The following KLHL7 variants were observed in gnomAD, a reference collection of about 807,000 sequenced individuals.
KLHL7 encodes kelch-like protein 7.
In KLHL7, 44 loss-of-function variants were observed where a neutral mutation model predicts 67.4. The ratio of observed to expected loss-of-function variants is 0.65; its 90% CI spans 0.51 to 0.84. The LOEUF is 0.84. KLHL7 is among the 40% of genes least tolerant of loss of function. The pLI is 0.00. For synonymous variants in KLHL7, 252 were observed against 243.3 expected (o/e 1.04, Z -0.33); for missense variants, 362 against 718.1 (o/e 0.50, Z 5.67).
chr7:23,108,431 G>T (rs1358868292), intron 1 of KLHL7, among the ~76,000 whole-genome samples: 2 of 152,126 alleles, frequency 1.3e-5, no homozygotes, highest in Non-Finnish European at 2.9e-5. Context: ...CTCCAGTGAA[G>T]TATGGGATAC....
chr7:23,125,241 A>T, intron 4 of KLHL7, 69 bp downstream of exon 4: 1 of 1,525,114 alleles, frequency 6.6e-7, no homozygotes, highest in Non-Finnish European at 9.0e-7. Flanking sequence ...TAATTTTTTA[A>T]AAAGGCTGAT....
intron 1 of KLHL7, among the ~76,000 whole-genome samples, chr7:23,114,045 C>CTTTT (rs1259362483): frequency 4.6e-5 from 7 of 152,208 alleles, no homozygotes; most frequent in African/African-American, 1.7e-4. Context: ...CACTTCCTCA[C>CTTTT]TTTGTCAAAT....
chr7:23,142,847 T>C (rs985235523), intron 5 of KLHL7, among the ~76,000 whole-genome samples: 3 of 152,184 alleles, frequency 2.0e-5, no homozygotes, highest in African/African-American at 7.2e-5. Context: ...GTGTTCTTTA[T>C]AGTATTGTGG....
intron 4 of KLHL7, among the ~76,000 whole-genome samples, chr7:23,130,787 A>G (rs1783770690): frequency 6.6e-6 from 1 of 152,212 alleles, no homozygotes; most frequent in African/African-American, 2.4e-5. Flanking sequence ...GTACCAAGAA[A>G]AAGAAAGAAA....
chr7:23,121,051 C>G (rs77104675), intron 1 of KLHL7, among the ~76,000 whole-genome samples: 5,841 of 152,178 alleles, frequency 0.038, 389 homozygotes, highest in African/African-American at 0.13. Flanking sequence ...TAAGATCAAC[C>G]TTTTTAGCTT....
chr7:23,119,736 GT>G (rs893399750), intron 1 of KLHL7, among the ~76,000 whole-genome samples: 12 of 150,534 alleles, frequency 8.0e-5, no homozygotes, highest in African/African-American at 2.7e-4. Flanking sequence ...CATTTTTTTT[GT>G]TTCTCAATAT....
At chr7:23,113,098 G>C (rs900846684) in intron 1 of KLHL7, among the ~76,000 whole-genome samples, 1 of 150,982 alleles carries the variant, frequency 6.6e-6, no homozygotes, top group African/African-American at 2.5e-5. Flanking sequence ...TCAGAAGAAT[G>C]AAGGAGTTTC....
chr7:23,143,607 A>G (rs749835693), intron 5 of KLHL7, among the ~76,000 whole-genome samples: 4 of 152,108 alleles, frequency 2.6e-5, no homozygotes, highest in African/African-American at 7.2e-5. Flanking sequence ...TCATAAATTC[A>G]ACATCCTCCC....
At chr7:23,141,027 G>A in intron 5 of KLHL7, 83 bp downstream of exon 5, 1 of 1,123,570 alleles carries the variant, frequency 8.9e-7, no homozygotes, top group South Asian at 1.2e-5. Flanking sequence ...CACATGACAA[G>A]GGAAAGAGTC....
chr7:23,168,594 C>T (rs1050822212), intron 9 of KLHL7, among the ~76,000 whole-genome samples: 6 of 152,084 alleles, frequency 3.9e-5, no homozygotes, highest in African/African-American at 1.2e-4. Flanking sequence ...TTTTTCTGAC[C>T]TTGTAGTTAA....
chr7:23,108,221 G>A (rs987257), intron 1 of KLHL7, among the ~76,000 whole-genome samples: 68,376 of 152,072 alleles, frequency 0.45, 17,382 homozygotes, highest in African/African-American at 0.7. Context: ...GCATACCTCA[G>A]TTCCAATCCT....
rs752648982 is a variant in KLHL7 at position 23,114,960 on chromosome 7, C to T, written c.120+8814C>T. On this transcript the variant is annotated intron_variant, in intron 1 of 10. Transcript: ENST00000339077. Reference sequence around the variant, plus strand: ...ATGATTAAATTCCAACATCTATGCTCATCCTCTGAATTAAAATGAAAGGCA... The same window carrying T: ...ATGATTAAATTCCAACATCTATGCTTATCCTCTGAATTAAAATGAAAGGCA... Among the ~76,000 whole-genome samples the T allele has an allele frequency of 3.9e-5, 6 of 152,326 alleles. 1 individual carries two copies. Among genetic ancestry groups the T allele is most frequent in the South Asian group, 4.1e-4 (2 of 4,820 alleles).
chr7:23,154,942 TC>T (rs1196081178), intron 7 of KLHL7, among the ~76,000 whole-genome samples: 13 of 152,282 alleles, frequency 8.5e-5, no homozygotes, highest in African/African-American at 2.6e-4. Context: ...GAAACTTCCA[TC>T]AGTTTCTCTT....
intron 2 of KLHL7, 64 bp from the exon 3 acceptor site, chr7:23,124,624 C>A: frequency 1.1e-6 from 1 of 950,242 alleles, no homozygotes; most frequent in Non-Finnish European, 1.7e-6. Flanking sequence ...CCTGGAATGC[C>A]GTGGTTCCTC....
chr7:23,106,380 T>C, intron 1 of KLHL7: 2 of 1,366,450 alleles, frequency 1.5e-6, no homozygotes, highest in Middle Eastern at 2.8e-4. Context: ...GTCAGACTCC[T>C]GGGGGACTCC....
intron 6 of KLHL7, 109 bp downstream of exon 6, chr7:23,144,134 A>T: frequency 1.0e-6 from 1 of 971,326 alleles, no homozygotes; most frequent in South Asian, 1.4e-5. Flanking sequence ...AACATTCAAG[A>T]TTTTGCTCTT....
intron 7 of KLHL7, among the ~76,000 whole-genome samples, chr7:23,155,537 G>A (rs965933978): frequency 4.0e-5 from 6 of 151,712 alleles, no homozygotes; most frequent in East Asian, 3.9e-4. Flanking sequence ...CGTGGCAGGC[G>A]CCTGTAATCC....
chr7:23,131,681 GTATTGAC>G (rs755073300), intron 4 of KLHL7, among the ~76,000 whole-genome samples: 41 of 149,200 alleles, frequency 2.7e-4, no homozygotes, highest in Non-Finnish European at 5.1e-4. Context: ...GTACAATTAA[GTATTGAC>G]TATAGTCACC....
chr7:23,152,261 A>T (rs1481749063), intron 7 of KLHL7, 52 bp downstream of exon 7: 4 of 1,530,846 alleles, frequency 2.6e-6, no homozygotes, highest in Non-Finnish European at 3.6e-6. Flanking sequence ...ATCACTGAAC[A>T]CATAAGACAC....
Sources: allele counts gnomAD v4.1 joint callset (sites outside exome capture counted in the v4.1 genomes callset), GRCh38; gene constraint gnomAD v4.1.1; transcripts MANE v1.5; gene names NCBI Gene and HGNC (gene_info 2026-07-23, HGNC 2026-07-21).